Variants in FGF1 observed in about 807,000 individuals in gnomAD.
FGF1 encodes the protein fibroblast growth factor 1.
FGF1 carries 9 observed loss-of-function variants against 13.4 expected under a neutral mutation model. That is an observed-to-expected ratio of 0.67 (90% CI 0.40 to 1.17). The LOEUF (loss-of-function observed/expected upper bound fraction) is 1.17. Ranked by LOEUF, FGF1 falls within the 50% of genes most tolerant of loss-of-function variation. The pLI is 0.01. For synonymous variants in FGF1, 93 were observed against 79.0 expected (o/e 1.18, Z -0.94); for missense variants, 156 against 192.7 (o/e 0.81, Z 1.13).
chr5:142,660,423 A>G (rs1769000841), intron 1 of FGF1, among the ~76,000 whole-genome samples: 1 of 152,208 alleles, frequency 6.6e-6, no homozygotes, highest in African/African-American at 2.4e-5. Flanking sequence ...GTCAGGGCCC[A>G]GGGCGGCTCC....
intron 1 of FGF1, among the ~76,000 whole-genome samples, chr5:142,685,110 A>C (rs1774434615): frequency 6.6e-6 from 1 of 152,130 alleles, no homozygotes; most frequent in African/African-American, 2.4e-5. Flanking sequence ...TGCATTTCTG[A>C]AGTGCTCCTC....
chr5:142,666,109 C>T (rs1156425101), intron 1 of FGF1, among the ~76,000 whole-genome samples: 2 of 156 alleles, frequency 0.013, no homozygotes, highest in African/African-American at 0.056. Flanking sequence ...TCTAGTATGG[C>T]ACTTGCTGAA....
intron 3 of FGF1, 51 bp downstream of exon 3, chr5:142,600,651 G>A: frequency 7.7e-7 from 1 of 1,292,328 alleles, no homozygotes; most frequent in South Asian, 1.2e-5. Flanking sequence ...CAAGATTTCT[G>A]GAAACCTCAA....
rs397702956 is a variant in FGF1, at chr5:142,592,808, G to GC, written c.*2481_*2482insG. Reference sequence around the variant, plus strand: ...TGATAGGGGTTTATTTTATGCTGGGGTTGCTGATTCTTCCAAAATCTGGGT... The same window carrying GC: ...TGATAGGGGTTTATTTTATGCTGGGGCTTGCTGATTCTTCCAAAATCTGGGT... On this transcript the variant is annotated 3_prime_UTR_variant, in exon 4 of 4. Transcript: ENST00000337706. 1 of 184,616 alleles carries GC rather than the reference G, an allele frequency of 5.4e-6. No homozygotes were observed. Among genetic ancestry groups the GC allele is most frequent in the Non-Finnish European group, 1.1e-5 (1 of 90,100 alleles). 11.4% of individuals were successfully genotyped at this position (184,616 alleles called of 1,614,324 possible). A position where few individuals can be genotyped will look rare whatever the true frequency, so the allele number is the denominator to read the frequency against.
intron 1 of FGF1, among the ~76,000 whole-genome samples, chr5:142,629,732 A>G (rs540805144): frequency 6.6e-6 from 1 of 151,880 alleles, no homozygotes; most frequent in East Asian, 1.9e-4. Flanking sequence ...TTTTGCTCAC[A>G]TTATCACTGT....
intron 1 of FGF1, among the ~76,000 whole-genome samples, chr5:142,618,165 A>G (rs1022684831): frequency 2.0e-5 from 3 of 152,172 alleles, no homozygotes; most frequent in Admixed American, 6.5e-5. Context: ...GATTTGGGGT[A>G]CGGGTGAGAT....
chr5:142,604,931 G>T (rs1757318352), intron 2 of FGF1, among the ~76,000 whole-genome samples: 1 of 152,132 alleles, frequency 6.6e-6, no homozygotes, highest in South Asian at 2.1e-4. Context: ...AAGATGGTGG[G>T]TGGCCATCCA....
chr5:142,595,492 G>A lies in FGF1; in HGVS notation c.274-8C>T, dbSNP rs1211671443. The stretch of plus-strand genomic sequence containing the variant: ...TTCCTCATTTGGTGTCTGCTAAAAA[G>A]ATAAAACCAAAAGAGAGTAGGACAA... On this transcript the variant is annotated splice_region_variant and splice_polypyrimidine_tract_variant and intron_variant, in intron 3 of 3. Transcript: ENST00000337706. The A allele has an allele frequency of 6.2e-7, 1 of 1,610,972 alleles. No homozygotes were observed. Among genetic ancestry groups the A allele is most frequent in the African/African-American group, 1.3e-5 (1 of 74,876 alleles).
rs972682419 is a variant in FGF1 at position 142,592,414 on chromosome 5, A to G, written c.*2876T>C. 10 of 398,430 alleles carry G rather than the reference A, an allele frequency of 2.5e-5. No individual in the cohort carries two copies. Among genetic ancestry groups the G allele is most frequent in the Middle Eastern group, 6.2e-4 (1 of 1,610 alleles). The allele number at this position is 398,430 out of a possible 1,614,324, so 24.7% of individuals were successfully genotyped here. The stretch of plus-strand genomic sequence containing the variant: ...TCCAATCAGTTTTTTGTTCATACAC[A>G]CTGTTGGCCATTGTGAATCTTTCTT... On this transcript the variant is annotated 3_prime_UTR_variant, in exon 4 of 4. Transcript: ENST00000337706.
In FGF1 at chr5:142,600,780, G is replaced by A. The variant is rs759604650; in HGVS notation, c.195C>T (p.Ser65=). 1.8e-5 allele frequency: 29 copies of A among 1,613,060 alleles called. No individual in the cohort carries two copies. Among genetic ancestry groups the A allele is most frequent in the Non-Finnish European group, 2.2e-5 (26 of 1,179,410 alleles). The change falls in exon 3 of 4, where the codon AGC becomes AGT. Residue 65 remains serine (S), a synonymous_variant. Transcript: ENST00000337706. ...TACTCTTTATATACACCTCCCCCAC[G>A]CTTTCCGCACTGAGCTGCAGCTGAA... The part of the protein sequence containing the change: ...QHIQLQLSAE[S]VGEVYIKSTE...
intron 2 of FGF1, among the ~76,000 whole-genome samples, chr5:142,692,823 AAAACAAACAAACAAAC>A (rs59345808): frequency 6.6e-6 from 1 of 151,210 alleles, no homozygotes; most frequent in Admixed American, 6.6e-5. Flanking sequence ...CTATTTGGCA[AAAACAAACAAACAAAC>A]AAACAAACAA....
chr5:142,635,096 T>C (rs1764027125), intron 1 of FGF1, among the ~76,000 whole-genome samples: 1 of 152,200 alleles, frequency 6.6e-6, no homozygotes, highest in Non-Finnish European at 1.5e-5. Context: ...ACTTACACTA[T>C]AATGGTTGAT....
chr5:142,633,975 G>C (rs1040515510), intron 1 of FGF1, among the ~76,000 whole-genome samples: 1 of 151,048 alleles, frequency 6.6e-6, no homozygotes, highest in Admixed American at 6.6e-5. Flanking sequence ...ACGAGGTCAG[G>C]AGATCGAGAT....
In FGF1 at chr5:142,600,717, C is replaced by T. The variant is rs759820275; in HGVS notation, c.258G>A (p.Gly86=). The change falls in exon 3 of 4, where the codon GGG becomes GGA. Residue 86 remains glycine, a synonymous_variant. Coordinates refer to ENST00000337706, the MANE Select transcript of FGF1 (RefSeq NM_000800.5). ...TGQYLAMDTD[G]LLYGSQTPNE... is the part of the protein sequence containing the mutation. ...TCATACTTACTGAGCCGTATAAAAG[C>T]CCGTCGGTGTCCATGGCCAAGTACT... 2.7e-5 allele frequency: 44 copies of T among 1,612,480 alleles called. No homozygotes were observed. The East Asian group carries it at 7.6e-4, about 28-fold the overall frequency.
rs185739799 is a variant in FGF1, at chr5:142,600,063, G to A, written c.273+639C>T. ...GCAATAAGAGACACACCTATAGCACGTAGTACCTAGGTACTCAAGAAACAT... is the reference window on the plus strand; with the variant it reads ...GCAATAAGAGACACACCTATAGCACATAGTACCTAGGTACTCAAGAAACAT... On this transcript the variant is annotated intron_variant, in intron 3 of 3. Transcript: ENST00000337706. Among the ~76,000 whole-genome samples, 155 of 152,322 alleles carry A rather than the reference G, an allele frequency of 1.0e-3. 1 individual carries two copies. Among genetic ancestry groups the A allele is most frequent in the Non-Finnish European group, 1.6e-3 (108 of 68,028 alleles).
At chr5:142,673,635 T>C (rs1269886914) in intron 1 of FGF1, among the ~76,000 whole-genome samples, 1 of 152,196 alleles carries the variant, frequency 6.6e-6, no homozygotes, top group Non-Finnish European at 1.5e-5. Flanking sequence ...CTGACTCTTT[T>C]GTGGTCCTGC....
intron 1 of FGF1, among the ~76,000 whole-genome samples, chr5:142,634,235 C>T (rs1031426786): frequency 4.6e-5 from 7 of 151,744 alleles, no homozygotes; most frequent in African/African-American, 7.3e-5. Flanking sequence ...GAAATCACCT[C>T]TCTAAAGTTT....
intron 1 of FGF1, among the ~76,000 whole-genome samples, chr5:142,646,359 A>T (rs62382155): frequency 6.6e-6 from 1 of 151,298 alleles, no homozygotes; most frequent in African/African-American, 2.4e-5. Context: ...GTGCCCAGCT[A>T]ATTTTTTTTT....
chr5:142,592,667 T>C lies in FGF1; in HGVS notation c.*2623A>G. ...AACAGAGCAGGGAACTACCAACCTC[T>C]TCCTTCTAAGAAGATCTGACAGGCT... On this transcript the variant is annotated 3_prime_UTR_variant, in exon 4 of 4. Coordinates refer to ENST00000337706, the MANE Select transcript of FGF1 (RefSeq NM_000800.5). 2.6e-6 allele frequency: 1 copy of C among 385,334 alleles called. No homozygotes were observed. Among genetic ancestry groups the C allele is most frequent in the Non-Finnish European group, 4.6e-6 (1 of 217,976 alleles). The allele number at this position is 385,334 out of a possible 1,614,324, so 23.9% of individuals were successfully genotyped here.
Sources: gnomAD v4.1 joint callset for allele counts (sites outside exome capture counted in the v4.1 genomes callset) on GRCh38, gnomAD v4.1.1 for gene constraint, MANE v1.5 for transcripts, NCBI Gene and HGNC (gene_info 2026-07-23, HGNC 2026-07-21) for gene names.